PIH1D1: variants seen among roughly 807,000 people sequenced by gnomAD.
PIH1D1 encodes the protein PIH1 domain-containing protein 1.
PIH1D1 carries 28 observed loss-of-function variants against 38.5 expected under a neutral mutation model. The observed-to-expected ratio is 0.73, with a 90% confidence interval of 0.54 to 1.00. PIH1D1 has a LOEUF of 1.00. Ranked by LOEUF, PIH1D1 falls within the 50% of genes least tolerant of loss-of-function variation. PIH1D1 has a pLI of 0.00. For missense variants in PIH1D1, 343 were observed against 369.9 expected, an observed-to-expected ratio of 0.93 and a Z score of 0.60; for synonymous variants, 155 against 153.5, an observed-to-expected ratio of 1.01 and a Z score of -0.07.
chr19:49,448,105 A>C (rs780598540), intron 3 of PIH1D1, 43 bp from the exon 4 acceptor site: 1 of 1,600,270 alleles, frequency 6.2e-7, no homozygotes, highest in Non-Finnish European at 8.6e-7. Flanking sequence ...AGCCCTCTGC[A>C]GGAAGCCCAC....
Position 49,446,402 on chromosome 19 carries a change from G to A in PIH1D1, c.853C>T (p.Leu285Phe). Reference sequence around the variant, plus strand: ...CCTGATCAAGAAGGCACCGGCAGAAGCGGCATGGCCACCATTAATTGCTGA... The same window carrying A: ...CCTGATCAAGAAGGCACCGGCAGAAACGGCATGGCCACCATTAATTGCTGA... ...KRKQLMVAMP[L>F]LPVPS Residue 285 changes from leucine to phenylalanine, a missense_variant, in exon 9 of 9, where the codon CTT (leucine) becomes TTT (phenylalanine). Physicochemically the swap from Leu to Phe is conservative, Grantham distance 22. Coordinates refer to ENST00000262265, the MANE Select transcript of PIH1D1 (RefSeq NM_017916.3). The A allele has an allele frequency of 1.1e-6, 1 of 880,384 alleles. No individual in the cohort carries two copies. Among genetic ancestry groups the A allele is most frequent in the Non-Finnish European group, 2.0e-6 (1 of 509,150 alleles). The allele number at this position is 880,384 out of a possible 1,614,324, so 54.5% of individuals were successfully genotyped here. A position where few individuals can be genotyped will look rare whatever the true frequency, so the allele number is the denominator to read the frequency against.
intron 3 of PIH1D1, chr19:49,449,065 AC>A (rs1477973865): frequency 2.9e-6 from 1 of 346,546 alleles, no homozygotes; most frequent in Non-Finnish European, 5.7e-6. Flanking sequence ...GGTGGAGCAC[AC>A]CTGTAATCCC....
chr19:49,451,580 T>C lies in PIH1D1; in HGVS notation c.-6A>G, dbSNP rs1296915422. ...AGCAGCTTCGGGTTCGCCATGGCCC[T>C]GGGAAAGAGATCTAGGCGTCCTCGA... is the stretch of plus-strand genomic sequence containing the variant. On this transcript the variant is annotated 5_prime_UTR_variant, in exon 1 of 9. Coordinates refer to ENST00000262265, the MANE Select transcript of PIH1D1 (RefSeq NM_017916.3). The C allele has an allele frequency of 6.2e-7, 1 of 1,612,620 alleles. No homozygotes were observed. Among genetic ancestry groups the C allele is most frequent in the Non-Finnish European group, 8.5e-7 (1 of 1,179,838 alleles).
In PIH1D1 at chr19:49,447,097, G is replaced by A; in HGVS notation, c.614C>T (p.Pro205Leu). ...CCACAGGTTCAGGTGAGGCTTTTCA[G>A]GCCTGAGGAGGAACAAGGTCCAGGG... The part of the protein sequence containing the change: ...TPAPGRAESG[P>L]EKPHLNLWLE... The change falls in exon 7 of 9, where the codon CCT (proline) becomes CTT (leucine). Residue 205 changes from proline (P) to leucine (L), a missense_variant and splice_region_variant. Pro to Leu is a moderately conservative substitution (Grantham distance 98, BLOSUM62 -3). Coordinates refer to ENST00000262265, the MANE Select transcript of PIH1D1 (RefSeq NM_017916.3). The A allele has an allele frequency of 7.4e-6, 12 of 1,611,688 alleles. No homozygotes were observed. Among genetic ancestry groups the A allele is most frequent in the Non-Finnish European group, 9.3e-6 (11 of 1,179,004 alleles).
intron 6 of PIH1D1, 119 bp from the exon 7 acceptor site, chr19:49,447,218 C>A (rs747125304): frequency 6.7e-7 from 1 of 1,503,174 alleles, no homozygotes; most frequent in Non-Finnish European, 9.1e-7. Context: ...GTCAGGAGTT[C>A]TCTCTCCTCC....
chr19:49,448,191 A>G (rs2079036928), intron 3 of PIH1D1, 129 bp from the exon 4 acceptor site: 1 of 902,078 alleles, frequency 1.1e-6, no homozygotes. Flanking sequence ...AGGAAGTGAG[A>G]GCTGGGCACT....
At chr19:49,450,874 G>C in intron 1 of PIH1D1, 26 bp from the exon 2 acceptor site, 1 of 1,613,588 alleles carries the variant, frequency 6.2e-7, no homozygotes, top group Non-Finnish European at 8.5e-7. Context: ...CTACCTCCAG[G>C]CTCGGAGTCT....
chr19:49,447,212 G>T, intron 6 of PIH1D1, 113 bp from the exon 7 acceptor site: 2 of 1,496,766 alleles, frequency 1.3e-6, no homozygotes, highest in South Asian at 1.2e-5. Context: ...TTCCCAGTCA[G>T]GAGTTCTCTC....
At position 49,448,598 on chromosome 19, in the gene PIH1D1, C is replaced by G. The variant is rs555820300; in HGVS notation, c.338-536G>C. On this transcript the variant is annotated intron_variant, in intron 3 of 8. Coordinates refer to ENST00000262265, the MANE Select transcript of PIH1D1 (RefSeq NM_017916.3). Reference sequence around the variant, plus strand: ...CCTCCTCCAGGAAGCCTTCCCTGACCCCTTCATGTGGGTGACGAGCCCTCT... The same window carrying G: ...CCTCCTCCAGGAAGCCTTCCCTGACGCCTTCATGTGGGTGACGAGCCCTCT... The G allele has an allele frequency of 1.3e-4, 24 of 179,392 alleles. No individual in the cohort carries two copies. The East Asian group carries it at 3.7e-3, about 28-fold the overall frequency. The allele number at this position is 179,392 out of a possible 1,614,324, so 11.1% of individuals were successfully genotyped here.
Position 49,446,953 on chromosome 19 carries a change from T to C in PIH1D1, c.687+71A>G, listed in dbSNP as rs2122325359. ...AAGTCCAGCAACAACCCCTTGTCACTCACACTCAGAGACAGTCCCTGACCT... is the reference window on the plus strand; with the variant it reads ...AAGTCCAGCAACAACCCCTTGTCACCCACACTCAGAGACAGTCCCTGACCT... On this transcript the variant is annotated intron_variant, in intron 7 of 8. Coordinates refer to ENST00000262265, the MANE Select transcript of PIH1D1 (RefSeq NM_017916.3). 2.2e-6 allele frequency: 3 copies of C among 1,338,058 alleles called. No individual in the cohort carries two copies. The South Asian group carries it at 3.6e-5, about 16-fold the overall frequency. The allele number at this position is 1,338,058 out of a possible 1,614,324, so 82.9% of individuals were successfully genotyped here. A position where few individuals can be genotyped will look rare whatever the true frequency, so the allele number is the denominator to read the frequency against.
intron 5 of PIH1D1, 178 bp from the exon 6 acceptor site, chr19:49,447,645 C>T: frequency 2.2e-6 from 2 of 912,260 alleles, no homozygotes; most frequent in South Asian, 1.6e-5. Context: ...TGATATGCCC[C>T]AATAAAACCC....
intron 3 of PIH1D1, 145 bp downstream of exon 3, chr19:49,449,330 A>C: frequency 1.2e-6 from 1 of 807,584 alleles, no homozygotes; most frequent in Non-Finnish European, 2.1e-6. Flanking sequence ...CCAGGGCACT[A>C]GAGATCTACC....
chr19:49,447,090 C>T lies in PIH1D1; in HGVS notation c.621G>A (p.Lys207=). The stretch of plus-strand genomic sequence containing the variant: ...CTTCCAGCCACAGGTTCAGGTGAGG[C>T]TTTTCAGGCCTGAGGAGGAACAAGG... The part of the protein sequence containing the change: ...APGRAESGPE[K]PHLNLWLEAP... The change falls in exon 7 of 9, where the codon AAG becomes AAA. Residue 207 remains lysine, a synonymous_variant. Coordinates refer to ENST00000262265, the MANE Select transcript of PIH1D1 (RefSeq NM_017916.3). The T allele has an allele frequency of 6.2e-7, 1 of 1,612,504 alleles. No homozygotes were observed. Among genetic ancestry groups the T allele is most frequent in the South Asian group, 1.1e-5 (1 of 90,988 alleles).
rs376977224 is a variant in PIH1D1 at position 49,447,424 on chromosome 19, C to T, written c.525G>A (p.Ser175=). 48 of 1,612,424 alleles carry T rather than the reference C, an allele frequency of 3.0e-5. No homozygotes were observed. The East Asian group carries it at 3.6e-4, about 12-fold the overall frequency. The change falls in exon 6 of 9, where the codon TCG becomes TCA. Residue 175 remains serine, a synonymous_variant. Transcript: ENST00000262265. ...MKNRPFMGSI[S]QQNIRSEQRP... is the part of the protein sequence containing the mutation. ...GCTGCTCCGAGCGGATGTTCTGCTGCGAGATGGAGCCCATGAATGGCCGGT... is the reference window on the plus strand; with the variant it reads ...GCTGCTCCGAGCGGATGTTCTGCTGTGAGATGGAGCCCATGAATGGCCGGT...
At position 49,446,547 on chromosome 19, in the gene PIH1D1, G is replaced by A; in HGVS notation, c.831+4C>T. ...CAGCTTCCCCAAGCCCCTCCCCCAG[G>A]CACCTTTCTCTTCCGGTGGAAGGCT... On this transcript the variant is annotated splice_donor_region_variant and intron_variant, in intron 8 of 8. Transcript: ENST00000262265. 6.2e-7 allele frequency: 1 copy of A among 1,613,826 alleles called. No homozygotes were observed. Among genetic ancestry groups the A allele is most frequent in the South Asian group, 1.1e-5 (1 of 91,074 alleles).
rs774612735 is a variant in PIH1D1, at chr19:49,451,578, C to T, written c.-4G>A. 1.2e-6 allele frequency: 2 copies of T among 1,612,878 alleles called. No individual in the cohort carries two copies. The highest frequency in any genetic ancestry group is 1.7e-6 in the Non-Finnish European group (2 of 1,179,854). On this transcript the variant is annotated 5_prime_UTR_variant, in exon 1 of 9. Coordinates refer to ENST00000262265, the MANE Select transcript of PIH1D1 (RefSeq NM_017916.3). ...CCAGCAGCTTCGGGTTCGCCATGGC[C>T]CTGGGAAAGAGATCTAGGCGTCCTC...
Position 49,451,670 on chromosome 19 carries a change from A to G in PIH1D1, c.-96T>C. 6.5e-7 allele frequency: 1 copy of G among 1,537,892 alleles called. No individual in the cohort carries two copies. Among genetic ancestry groups the G allele is most frequent in the African/African-American group, 1.4e-5 (1 of 72,566 alleles). Reference sequence around the variant, plus strand: ...CAGTGCCTGCTCTGGCCCTCAATCGACTCCGGATACCTACTATCCTGTTCA... The same window carrying G: ...CAGTGCCTGCTCTGGCCCTCAATCGGCTCCGGATACCTACTATCCTGTTCA... On this transcript the variant is annotated 5_prime_UTR_variant, in exon 1 of 9. Coordinates refer to ENST00000262265, the MANE Select transcript of PIH1D1 (RefSeq NM_017916.3).
chr19:49,450,287 C>T (rs2122335855), intron 2 of PIH1D1, among the ~76,000 whole-genome samples: 1 of 152,002 alleles, frequency 6.6e-6, no homozygotes, highest in South Asian at 2.1e-4. Flanking sequence ...GAGATGAGGT[C>T]TCACTATGTT....
At chr19:49,450,678 C>CG in intron 2 of PIH1D1, 104 bp downstream of exon 2, 1 of 291,576 alleles carries the variant, frequency 3.4e-6, no homozygotes, top group Non-Finnish European at 7.2e-6. Flanking sequence ...TGTCTGCTCA[C>CG]CCCACCCCCA....
Sources: gnomAD v4.1 joint callset for allele counts (sites outside exome capture counted in the v4.1 genomes callset) on GRCh38, gnomAD v4.1.1 for gene constraint, MANE v1.5 for transcripts, NCBI Gene and HGNC (gene_info 2026-07-23, HGNC 2026-07-21) for gene names.